The following PIPOX variants were observed in gnomAD, a reference collection of about 807,000 sequenced individuals.
PIPOX encodes the protein pipecolic acid and sarcosine oxidase.
Under a neutral mutation model 47.9 loss-of-function variants are expected in PIPOX, and 45 were observed. That is an observed-to-expected ratio of 0.94 (90% CI 0.74 to 1.20). PIPOX has a LOEUF of 1.20. Among genes scored for constraint, PIPOX ranks in the 50% most tolerant of loss-of-function variants. PIPOX has a pLI of 0.00. For synonymous variants in PIPOX, 165 were observed against 191.3 expected, an observed-to-expected ratio of 0.86 and a Z score of 1.13; for missense variants, 458 against 498.4, an observed-to-expected ratio of 0.92 and a Z score of 0.77.
chr17:29,047,257 T>C (rs1188233961), intron 2 of PIPOX, among the ~76,000 whole-genome samples: 1 of 151,920 alleles, frequency 6.6e-6, no homozygotes, highest in East Asian at 1.9e-4. Context: ...GCCACTGCAC[T>C]GCACTCCAGC....
intron 2 of PIPOX, among the ~76,000 whole-genome samples, chr17:29,051,240 C>T (rs1448403324): frequency 2.0e-5 from 3 of 152,146 alleles, no homozygotes; most frequent in African/African-American, 7.2e-5. Context: ...TGCATCTTTC[C>T]TCTGTTGAGC....
In PIPOX at chr17:29,054,615, C is replaced by T. The variant is rs751386491; in HGVS notation, c.731C>T (p.Pro244Leu). The change falls in exon 5 of 8, where the codon CCG becomes CTG. Residue 244 changes from proline (P) to leucine (L), a missense_variant. Coordinates refer to ENST00000323372, the MANE Select transcript of PIPOX (RefSeq NM_016518.3). ...PGSYGVSQAF[P>L]CFLWLGLCPH... ...AGCTATGGTGTGTCCCAGGCCTTTC[C>T]GTGCTTCCTGTGGCTGGGCTTGTGT... The T allele has an allele frequency of 3.7e-5, 60 of 1,614,082 alleles. No homozygotes were observed. The Admixed American group carries it at 7.3e-4, about 20-fold the overall frequency.
intron 2 of PIPOX, among the ~76,000 whole-genome samples, chr17:29,049,572 C>T (rs1404972234): frequency 6.6e-6 from 1 of 152,166 alleles, no homozygotes; most frequent in Admixed American, 6.5e-5. Context: ...TCTCCAATCC[C>T]GGTTTTGACT....
chr17:29,055,004 C>T (rs1413734738), intron 5 of PIPOX, 59 bp from the exon 6 acceptor site: 5 of 1,602,872 alleles, frequency 3.1e-6, no homozygotes, highest in South Asian at 2.2e-5. Flanking sequence ...TGCCCTTCGG[C>T]TGTGGGTGTG....
At chr17:29,053,721 C>A in intron 4 of PIPOX, 126 bp downstream of exon 4, 1 of 583,864 alleles carries the variant, frequency 1.7e-6, no homozygotes, top group Non-Finnish European at 2.9e-6. Flanking sequence ...TTCACCTCAC[C>A]GAGCCTCAGT....
intron 2 of PIPOX, among the ~76,000 whole-genome samples, chr17:29,050,040 A>C (rs566650247): frequency 2.6e-5 from 4 of 152,320 alleles, no homozygotes; most frequent in African/African-American, 9.6e-5. Flanking sequence ...ATCACTCAGC[A>C]TTTCATAATT....
chr17:29,045,850 G>A (rs2065783723), intron 2 of PIPOX, among the ~76,000 whole-genome samples: 2 of 152,168 alleles, frequency 1.3e-5, no homozygotes, highest in Non-Finnish European at 2.9e-5. Context: ...AGGCTGGATT[G>A]CTTGCCAGGG....
intron 4 of PIPOX, among the ~76,000 whole-genome samples, chr17:29,054,269 T>C (rs545680778): frequency 1.1e-4 from 17 of 152,212 alleles, no homozygotes; most frequent in Non-Finnish European, 2.4e-4. Context: ...TGAGGTCTTA[T>C]TAATTCCCGA....
chr17:29,050,850 A>G (rs2065803276), intron 2 of PIPOX, among the ~76,000 whole-genome samples: 1 of 151,768 alleles, frequency 6.6e-6, no homozygotes, highest in Non-Finnish European at 1.5e-5. Context: ...AGAAAAAGAA[A>G]AAAAAGTTTG....
intron 6 of PIPOX, among the ~76,000 whole-genome samples, chr17:29,055,609 G>A (rs1265350812): frequency 1.3e-5 from 2 of 152,208 alleles, no homozygotes; most frequent in Admixed American, 6.5e-5. Flanking sequence ...TACTGTGTTC[G>A]TAGCTCTGTG....
chr17:29,050,503 G>A (rs2065801790), intron 2 of PIPOX, among the ~76,000 whole-genome samples: 1 of 152,064 alleles, frequency 6.6e-6, no homozygotes, highest in Admixed American at 6.6e-5. Flanking sequence ...AGATAGGCCT[G>A]GGCAACATAC....
rs141334769 is a variant in PIPOX, at chr17:29,054,697, C to T, written c.807+6C>T. 229 of 1,612,588 alleles carry T rather than the reference C, an allele frequency of 1.4e-4. 3 individuals carry two copies. In the East Asian group the frequency reaches 4.5e-3, roughly 32 times the overall value. ...AGTACCCAGGGCTGATGAAGGTGAG[C>T]GGAAAGACCGAGATAAGGCAGGTAG... On this transcript the variant is annotated splice_donor_region_variant and intron_variant, in intron 5 of 7. Transcript: ENST00000323372.
chr17:29,047,368 C>T (rs1363385259), intron 2 of PIPOX, among the ~76,000 whole-genome samples: 1 of 152,140 alleles, frequency 6.6e-6, no homozygotes, highest in East Asian at 1.9e-4. Flanking sequence ...ATAACTCATT[C>T]CATTCTCCTC....
At position 29,056,708 on chromosome 17, in the gene PIPOX, G is replaced by A. The variant is rs1177035558; in HGVS notation, c.*403G>A. ...AAAAATTCTCTTTGCTGGGGGCCGG[G>A]TGTGGTGGCTCACACCTGTAATCTC... On this transcript the variant is annotated 3_prime_UTR_variant, in exon 8 of 8. Transcript: ENST00000323372. 2.7e-5 allele frequency: 5 copies of A among 185,260 alleles called. No homozygotes were observed. The highest frequency in any genetic ancestry group is 4.5e-5 in the Non-Finnish European group (4 of 89,236). 11.5% of individuals were successfully genotyped at this position (185,260 alleles called of 1,614,324 possible).
At position 29,043,256 on chromosome 17, in the gene PIPOX, A is replaced by T. The variant is rs763009997; in HGVS notation, c.31A>T (p.Ile11Phe). Residue 11 changes from isoleucine to phenylalanine, a missense_variant, in exon 1 of 8, where the codon ATT (isoleucine) becomes TTT (phenylalanine). Ile to Phe is a conservative substitution (Grantham distance 21, BLOSUM62 0). Transcript: ENST00000323372. MAAQKDLWDA[I>F]VIGAGIQGCF... Reference sequence around the variant, plus strand: ...GGCTCAGAAAGATCTCTGGGACGCCATTGTGATTGGGGCGGGGATCCAGGG... The same window carrying T: ...GGCTCAGAAAGATCTCTGGGACGCCTTTGTGATTGGGGCGGGGATCCAGGG... 1 of 1,613,440 alleles carries T rather than the reference A, an allele frequency of 6.2e-7. No homozygotes were observed. The highest frequency in any genetic ancestry group is 1.3e-5 in the African/African-American group (1 of 74,876).
chr17:29,045,564 C>T (rs372625626), intron 2 of PIPOX, among the ~76,000 whole-genome samples: 1 of 151,850 alleles, frequency 6.6e-6, no homozygotes, highest in East Asian at 1.9e-4. Flanking sequence ...GTGCGCACCA[C>T]CACACCCAGC....
chr17:29,047,176 A>G (rs1255972619), intron 2 of PIPOX, among the ~76,000 whole-genome samples: 1 of 152,158 alleles, frequency 6.6e-6, no homozygotes, highest in African/African-American at 2.4e-5. Flanking sequence ...AATCACAGCT[A>G]TTAGGGAGGC....
chr17:29,046,539 T>C (rs970174889), intron 2 of PIPOX: 19 of 956,000 alleles, frequency 2.0e-5, no homozygotes, highest in Non-Finnish European at 2.2e-5. Context: ...CTTGGCCCAA[T>C]GTCTAGCACC....
chr17:29,050,754 G>A (rs550138420), intron 2 of PIPOX, among the ~76,000 whole-genome samples: 13 of 151,696 alleles, frequency 8.6e-5, no homozygotes, highest in African/African-American at 2.4e-4. Context: ...GGAGGAGCTC[G>A]CTTGCGGCTG....
Sources: allele counts gnomAD v4.1 joint callset (sites outside exome capture counted in the v4.1 genomes callset), GRCh38; gene constraint gnomAD v4.1.1; transcripts MANE v1.5; gene names NCBI Gene and HGNC (gene_info 2026-07-23, HGNC 2026-07-21).